PFKP: variants seen among roughly 807,000 people sequenced by gnomAD.
PFKP encodes the protein phosphofructokinase, platelet, also known as ATP-dependent 6-phosphofructokinase, platelet type.
A neutral mutation model predicts 94.3 loss-of-function variants in PFKP; 101 were observed. That is an observed-to-expected ratio of 1.07 (90% CI 0.91 to 1.26). The LOEUF (loss-of-function observed/expected upper bound fraction) is 1.26, where lower values mean the gene tolerates loss of function less well. Ranked by LOEUF, PFKP falls within the 50% of genes most tolerant of loss-of-function variation. The pLI, the probability that PFKP is intolerant of heterozygous loss-of-function variation, is 0.00. For missense variants in PFKP, 1,145 were observed against 1,103.3 expected, an observed-to-expected ratio of 1.04 and a Z score of -0.53; for synonymous variants, 573 against 432.6, an observed-to-expected ratio of 1.32 and a Z score of -4.03.
chr10:3,106,484 C>T (rs925066227), intron 7 of PFKP, among the ~76,000 whole-genome samples: 25 of 151,924 alleles, frequency 1.6e-4, no homozygotes, highest in African/African-American at 5.6e-4. Flanking sequence ...ACACCAGCAC[C>T]CTCCACCTGG....
intron 19 of PFKP, among the ~76,000 whole-genome samples, chr10:3,133,997 C>T (rs1838910059): frequency 6.6e-6 from 1 of 152,230 alleles, no homozygotes; most frequent in Admixed American, 6.5e-5. Context: ...CACAGGCACA[C>T]ACGTGTTATG....
intron 18 of PFKP, among the ~76,000 whole-genome samples, chr10:3,132,926 G>A (rs991435823): frequency 2.0e-5 from 3 of 152,194 alleles, no homozygotes; most frequent in African/African-American, 7.2e-5. Flanking sequence ...AAGAGAGCAC[G>A]AGATTTCATC....
chr10:3,067,668 A>G lies in PFKP; in HGVS notation c.73A>G (p.Lys25Glu). The change falls in exon 1 of 22, where the codon AAG becomes GAG. Residue 25 changes from lysine to glutamate, a missense_variant. Lys to Glu is a moderately conservative substitution (Grantham distance 56). Transcript: ENST00000381125. ...CCTGGAGCACCTCTCCGGGGCCGGC[A>G]AGGCCATCGGCGTGCTGACCAGCGG... is the stretch of plus-strand genomic sequence containing the variant. ...KFLEHLSGAG[K>E]AIGVLTSGGD... 1 of 1,531,288 alleles carries G rather than the reference A, an allele frequency of 6.5e-7. No individual in the cohort carries two copies. Among genetic ancestry groups the G allele is most frequent in the Admixed American group, 2.0e-5 (1 of 50,006 alleles). The allele number at this position is 1,531,288 out of a possible 1,614,324, so 94.9% of individuals were successfully genotyped here. A position where few individuals can be genotyped will look rare whatever the true frequency, so the allele number is the denominator to read the frequency against.
chr10:3,092,666 G>C (rs1054160033), intron 2 of PFKP, among the ~76,000 whole-genome samples: 2 of 141,012 alleles, frequency 1.4e-5, no homozygotes, highest in African/African-American at 5.0e-5. Context: ...AATTATATGT[G>C]TCAATAAAAT....
At chr10:3,100,413 A>G (rs1462950238) in intron 3 of PFKP, among the ~76,000 whole-genome samples, 1 of 141,686 alleles carries the variant, frequency 7.1e-6, no homozygotes, top group Non-Finnish European at 1.5e-5. Flanking sequence ...GTTTTGATAA[A>G]TTAAATGGTG....
chr10:3,076,466 T>C (rs912686260), intron 1 of PFKP, among the ~76,000 whole-genome samples: 7 of 152,098 alleles, frequency 4.6e-5, no homozygotes, highest in African/African-American at 1.7e-4. Flanking sequence ...CCTTTCCTTC[T>C]TTCTCCAAAC....
chr10:3,115,325 C>CTG (rs1260546574), intron 13 of PFKP, among the ~76,000 whole-genome samples: 21 of 124,416 alleles, frequency 1.7e-4, no homozygotes, highest in Non-Finnish European at 2.0e-4. Context: ...AGTGTGTGTC[C>CTG]CACGGCGGAG....
At chr10:3,129,524 T>C in intron 16 of PFKP, 1 of 399,030 alleles carries the variant, frequency 2.5e-6, no homozygotes, top group Non-Finnish European at 4.6e-6. Context: ...GGGTCGTCTT[T>C]TCCGTCCCCT....
At chr10:3,117,006 C>T (rs1486116183) in intron 14 of PFKP, among the ~76,000 whole-genome samples, 160 bp downstream of exon 14, 1 of 152,234 alleles carries the variant, frequency 6.6e-6, no homozygotes, top group Non-Finnish European at 1.5e-5. Flanking sequence ...AGTGGAACTG[C>T]CCGTGTTCCA....
intron 2 of PFKP, among the ~76,000 whole-genome samples, chr10:3,090,906 A>G (rs1307135447): frequency 1.3e-5 from 2 of 152,054 alleles, no homozygotes; most frequent in Admixed American, 1.3e-4. Context: ...TCTAACCTAG[A>G]GCTCTCTGGG....
intron 1 of PFKP, among the ~76,000 whole-genome samples, chr10:3,073,559 T>C (rs902011414): frequency 2.0e-5 from 3 of 151,840 alleles, no homozygotes; most frequent in African/African-American, 4.8e-5. Context: ...CAGATCAGCT[T>C]CTCCACTTCT....
At chr10:3,084,546 C>T (rs1466992991) in intron 2 of PFKP, among the ~76,000 whole-genome samples, 1 of 152,094 alleles carries the variant, frequency 6.6e-6, no homozygotes, top group East Asian at 1.9e-4. Context: ...CTGTAGCATT[C>T]CCAGGCTGTT....
chr10:3,120,369 CTGTGTGTGTG>C (rs3841457), intron 16 of PFKP, among the ~76,000 whole-genome samples: 5 of 108,484 alleles, frequency 4.6e-5, no homozygotes, highest in African/African-American at 1.2e-4. Context: ...TTAAAAATCG[CTGTGTGTGTG>C]TGTGTGTGTG....
intron 14 of PFKP, among the ~76,000 whole-genome samples, chr10:3,117,412 T>C (rs991132791): frequency 1.3e-5 from 2 of 152,236 alleles, no homozygotes; most frequent in Non-Finnish European, 1.5e-5. Flanking sequence ...CCTTTGATCA[T>C]GTCAGAGGTG....
chr10:3,069,105 C>A, intron 1 of PFKP: 1 of 388,152 alleles, frequency 2.6e-6, no homozygotes, highest in Non-Finnish European at 3.8e-6. Context: ...CCGTGCGCCG[C>A]GCGCTCCCCA....
At chr10:3,125,114 C>T (rs751653798) in intron 16 of PFKP, 86 of 1,317,340 alleles carry the variant, frequency 6.5e-5, no homozygotes, top group South Asian at 6.3e-5. Flanking sequence ...AGAGTGCGTG[C>T]GACATGGCCG....
At position 3,079,664 on chromosome 10, in the gene PFKP, G is replaced by GA. The variant is rs1378327305; in HGVS notation, c.113-2724_113-2723insA. On this transcript the variant is annotated intron_variant, in intron 1 of 21. Transcript: ENST00000381125. ...AACGAGGTCTTCAGAGAGCGGGGTG[G>GA]GGGGGGGGGGAAGAGGAGCAGGGGT... is the stretch of plus-strand genomic sequence containing the variant. 2.1e-4 allele frequency among the ~76,000 whole-genome samples: 2 copies of GA among 9,368 alleles called. 1 individual carries two copies. Among genetic ancestry groups the GA allele is most frequent in the Non-Finnish European group, 4.0e-4 (2 of 5,002 alleles). 6.1% of individuals were successfully genotyped at this position (9,368 alleles called of 152,430 possible).
chr10:3,101,575 C>G (rs766699073), intron 4 of PFKP, 21 bp downstream of exon 4: 1 of 1,490,832 alleles, frequency 6.7e-7, no homozygotes, highest in Admixed American at 2.4e-5. Context: ...ACCTGCTCCT[C>G]TGTCCTGCGG....
At chr10:3,072,475 C>A (rs1470091779) in intron 1 of PFKP, among the ~76,000 whole-genome samples, 1 of 152,058 alleles carries the variant, frequency 6.6e-6, no homozygotes, top group African/African-American at 2.4e-5. Context: ...TTGATGGGAT[C>A]TTTTCAGTGT....
Sources: gnomAD v4.1 joint callset for allele counts (sites outside exome capture counted in the v4.1 genomes callset) on GRCh38, gnomAD v4.1.1 for gene constraint, MANE v1.5 for transcripts, NCBI Gene and HGNC (gene_info 2026-07-23, HGNC 2026-07-21) for gene names.